The following TTLL5 variants were observed in gnomAD, a reference collection of about 807,000 sequenced individuals.
The protein encoded by TTLL5 is tubulin polyglutamylase TTLL5.
Under a neutral mutation model 168.4 loss-of-function variants are expected in TTLL5, and 132 were observed. The observed-to-expected ratio is 0.78, with a 90% confidence interval of 0.68 to 0.91. The LOEUF is 0.91. TTLL5 is among the 40% of genes least tolerant of loss of function. The pLI, the probability that TTLL5 is intolerant of heterozygous loss-of-function variation, is 0.00. For synonymous variants in TTLL5, 546 were observed against 558.6 expected (o/e 0.98, Z 0.32); for missense variants, 1,545 against 1,581.5 (o/e 0.98, Z 0.39).
At chr14:75,692,258 A>G (rs1885517862) in intron 6 of TTLL5, among the ~76,000 whole-genome samples, 1 of 152,154 alleles carries the variant, frequency 6.6e-6, no homozygotes, top group Non-Finnish European at 1.5e-5. Flanking sequence ...TAAATGTTTA[A>G]TACTATTTCC....
intron 27 of TTLL5, among the ~76,000 whole-genome samples, chr14:75,797,449 A>G (rs1054584690): frequency 6.6e-6 from 1 of 152,120 alleles, no homozygotes; most frequent in Non-Finnish European, 1.5e-5. Flanking sequence ...TTCCAGAACT[A>G]TGTTGAATAG....
chr14:75,933,752 G>T (rs1000479173), intron 31 of TTLL5, among the ~76,000 whole-genome samples: 30 of 152,222 alleles, frequency 2.0e-4, no homozygotes, highest in African/African-American at 7.2e-4. Flanking sequence ...ATGACTGTAT[G>T]TAGAGATAGC....
chr14:75,830,849 A>G (rs1427235139), intron 28 of TTLL5, among the ~76,000 whole-genome samples: 1 of 152,122 alleles, frequency 6.6e-6, no homozygotes, highest in East Asian at 1.9e-4. Flanking sequence ...GGCTCAGTTT[A>G]TTGCAGTCTT....
chr14:75,667,751 G>GATTTTTTTTTTTT (rs1168571183), intron 2 of TTLL5, among the ~76,000 whole-genome samples: 1 of 89,084 alleles, frequency 1.1e-5, no homozygotes, highest in Non-Finnish European at 2.0e-5. Flanking sequence ...ATCTTTTTAT[G>GATTTTTTTTTTTT]TTTTTTTTTT....
At chr14:75,952,566 G>A (rs190407588) in intron 31 of TTLL5, among the ~76,000 whole-genome samples, 10 of 152,288 alleles carry the variant, frequency 6.6e-5, no homozygotes, top group South Asian at 6.2e-4. Context: ...TTACATCATT[G>A]TTTATAGAAG....
At chr14:75,769,640 G>A (rs2140304989) in intron 20 of TTLL5, among the ~76,000 whole-genome samples, 1 of 152,276 alleles carries the variant, frequency 6.6e-6, no homozygotes, top group South Asian at 2.1e-4. Context: ...TCAAGTTTTA[G>A]TATAAAGGGA....
At chr14:75,890,516 G>A (rs77372129) in intron 30 of TTLL5, among the ~76,000 whole-genome samples, 8,106 of 152,128 alleles carry the variant, frequency 0.053, 467 homozygotes, top group East Asian at 0.32. Context: ...TTAAAAACTA[G>A]ATGAAAGATA....
At chr14:75,730,976 C>G (rs544291448) in intron 12 of TTLL5, among the ~76,000 whole-genome samples, 2 of 152,204 alleles carry the variant, frequency 1.3e-5, no homozygotes, top group South Asian at 2.1e-4. Flanking sequence ...CCTCGGCCTC[C>G]CAAAGTGCTG....
intron 4 of TTLL5, among the ~76,000 whole-genome samples, chr14:75,683,009 C>T (rs142776612): frequency 4.6e-5 from 7 of 152,188 alleles, no homozygotes; most frequent in East Asian, 1.9e-4. Flanking sequence ...TGAGCTCAAG[C>T]GCTCCTCCCG....
chr14:75,710,925 C>A (rs1449793501), intron 9 of TTLL5: 2 of 152,170 alleles, frequency 1.3e-5, no homozygotes, highest in African/African-American at 2.4e-5. Context: ...AAATACAATT[C>A]ATTTCCTTCT....
chr14:75,841,596 G>A (rs1313184950), intron 28 of TTLL5, among the ~76,000 whole-genome samples: 1 of 152,132 alleles, frequency 6.6e-6, no homozygotes, highest in Admixed American at 6.5e-5. Context: ...AGTACATGTT[G>A]TGAAGTTAAG....
chr14:75,810,412 G>A (rs1566613872), intron 27 of TTLL5, among the ~76,000 whole-genome samples: 1 of 152,054 alleles, frequency 6.6e-6, no homozygotes, highest in African/African-American at 2.4e-5. Context: ...GTGCCACCCA[G>A]GCTGGAGTAC....
intron 23 of TTLL5, 60 bp from the exon 24 acceptor site, chr14:75,779,515 T>G: frequency 6.3e-7 from 1 of 1,582,664 alleles, no homozygotes; most frequent in Non-Finnish European, 8.5e-7. Context: ...TAATAAAATC[T>G]GGTGGAAAGA....
intron 4 of TTLL5, among the ~76,000 whole-genome samples, chr14:75,682,912 G>A (rs1002431091): frequency 4.6e-5 from 7 of 152,008 alleles, no homozygotes; most frequent in Middle Eastern, 3.4e-3. Context: ...TACTACAGGT[G>A]CATGGCACCA....
chr14:75,912,080 G>C (rs765090635), intron 31 of TTLL5, among the ~76,000 whole-genome samples: 4 of 152,186 alleles, frequency 2.6e-5, no homozygotes, highest in Admixed American at 1.3e-4. Flanking sequence ...CCGTGGCCAG[G>C]TCATTTGCTG....
In TTLL5 at chr14:75,665,851, C is replaced by CAAACA. The variant is rs1198459936; in HGVS notation, c.74+2642_74+2646dup. Among the ~76,000 whole-genome samples, 5 of 152,142 alleles carry CAAACA rather than the reference C, an allele frequency of 3.3e-5. No individual in the cohort carries two copies. The South Asian group carries it at 6.2e-4, about 19-fold the overall frequency. ...TGGGAGACAGAGTGAGACTCCGTCT[C>CAAACA]AAACAAAACAAAACAAAAAAACTGC... On this transcript the variant is annotated intron_variant, in intron 2 of 31. Transcript: ENST00000298832.
chr14:75,911,931 G>A (rs776588966), intron 31 of TTLL5, among the ~76,000 whole-genome samples: 1 of 152,216 alleles, frequency 6.6e-6, no homozygotes. Context: ...GAGACCCTCA[G>A]TTCACCTCTG....
intron 31 of TTLL5, among the ~76,000 whole-genome samples, chr14:75,914,033 A>AAAATATATATAT: frequency 1.4e-5 from 1 of 71,102 alleles, no homozygotes; most frequent in Non-Finnish European, 2.1e-5. Flanking sequence ...AAAAAAAAAA[A>AAAATATATATAT]ATATATATAT....
chr14:75,897,222 A>G (rs1201666184), intron 30 of TTLL5, among the ~76,000 whole-genome samples: 4 of 152,162 alleles, frequency 2.6e-5, no homozygotes, highest in Non-Finnish European at 5.9e-5. Flanking sequence ...ATGTGAAGCA[A>G]GTGAGTCAAA....
Sources: allele counts gnomAD v4.1 joint callset (sites outside exome capture counted in the v4.1 genomes callset), GRCh38; gene constraint gnomAD v4.1.1; transcripts MANE v1.5; gene names NCBI Gene and HGNC (gene_info 2026-07-23, HGNC 2026-07-21).